The following SH3RF2 variants were observed in gnomAD, a reference collection of about 807,000 sequenced individuals.
SH3RF2 encodes E3 ubiquitin-protein ligase SH3RF2.
In SH3RF2, 43 loss-of-function variants were observed where a neutral mutation model predicts 59.0. The observed-to-expected ratio is 0.73, with a 90% CI of 0.57 to 0.94. SH3RF2 has a LOEUF of 0.94. Ranked by LOEUF, SH3RF2 falls within the 40% of genes least tolerant of loss-of-function variation. SH3RF2 has a pLI of 0.00. For synonymous variants in SH3RF2, 391 were observed against 391.5 expected, an observed-to-expected ratio of 1.00 and a Z score of 0.01; for missense variants, 930 against 940.1, an observed-to-expected ratio of 0.99 and a Z score of 0.14.
At chr5:145,949,021 G>C (rs367656068) in intron 2 of SH3RF2, among the ~76,000 whole-genome samples, 2 of 152,184 alleles carry the variant, frequency 1.3e-5, no homozygotes, top group African/African-American at 4.8e-5. Flanking sequence ...AGCCAGCCTC[G>C]TGGCTGAGCT....
chr5:146,049,566 T>G (rs1762421594), intron 7 of SH3RF2, among the ~76,000 whole-genome samples: 1 of 152,094 alleles, frequency 6.6e-6, no homozygotes, highest in African/African-American at 2.4e-5. Flanking sequence ...ATGTCAGGTT[T>G]TCTTCTGCAC....
chr5:146,053,986 G>A (rs915962925), intron 7 of SH3RF2, among the ~76,000 whole-genome samples: 3 of 152,158 alleles, frequency 2.0e-5, no homozygotes, highest in East Asian at 1.9e-4. Context: ...AGAAAAGGAC[G>A]CAGGGACCTG....
At chr5:145,985,533 C>G (rs1010886091) in intron 2 of SH3RF2, among the ~76,000 whole-genome samples, 1 of 152,150 alleles carries the variant, frequency 6.6e-6, no homozygotes, top group Non-Finnish European at 1.5e-5. Context: ...GGACCACATA[C>G]ACAAAAGTGG....
intron 7 of SH3RF2, among the ~76,000 whole-genome samples, chr5:146,055,133 G>T (rs1429221505): frequency 2.0e-5 from 3 of 152,218 alleles, no homozygotes; most frequent in Non-Finnish European, 4.4e-5. Flanking sequence ...TCTTATGGAG[G>T]CATGTGTAGG....
intron 2 of SH3RF2, among the ~76,000 whole-genome samples, chr5:145,985,516 T>A (rs1007140424): frequency 2.0e-5 from 3 of 152,154 alleles, no homozygotes; most frequent in African/African-American, 7.2e-5. Flanking sequence ...ACTGGCAATT[T>A]TGAGGAGGAC....
intron 2 of SH3RF2, among the ~76,000 whole-genome samples, chr5:145,971,881 A>G (rs1759096824): frequency 7.7e-6 from 1 of 129,898 alleles, no homozygotes; most frequent in Middle Eastern, 3.5e-3. Context: ...AATGATGATG[A>G]TGATGATGAT....
Position 145,965,621 on chromosome 5 carries a change from G to A in SH3RF2, c.378+27315G>A, listed in dbSNP as rs547813480. ...TGAGGTTTTGAAAGTGGAAAAGAAC[G>A]GAGGTAATTGGTGTTTACACTCACT... On this transcript the variant is annotated intron_variant, in intron 2 of 9. Coordinates refer to ENST00000359120, the MANE Select transcript of SH3RF2 (RefSeq NM_152550.4). Among the ~76,000 whole-genome samples, 71 of 152,244 alleles carry A rather than the reference G, an allele frequency of 4.7e-4. 1 individual carries two copies. In the South Asian group the frequency reaches 0.012, roughly 25 times the overall value.
intron 5 of SH3RF2, among the ~76,000 whole-genome samples, chr5:146,029,475 G>A (rs1761663882): frequency 6.6e-6 from 1 of 152,162 alleles, no homozygotes; most frequent in Non-Finnish European, 1.5e-5. Flanking sequence ...CATGTGCCGT[G>A]TGTTTGCCAT....
chr5:146,022,356 C>G (rs1761353729), intron 5 of SH3RF2, among the ~76,000 whole-genome samples: 1 of 152,124 alleles, frequency 6.6e-6, no homozygotes, highest in African/African-American at 2.4e-5. Flanking sequence ...TACAGGTGGG[C>G]ACCACCACGC....
intron 5 of SH3RF2, among the ~76,000 whole-genome samples, chr5:146,037,442 T>C (rs944532953): frequency 2.0e-5 from 3 of 152,160 alleles, no homozygotes; most frequent in Non-Finnish European, 4.4e-5. Flanking sequence ...ACTGGGACTC[T>C]CGGGTGCTCT....
chr5:146,041,173 A>G (rs577009316), intron 5 of SH3RF2, among the ~76,000 whole-genome samples: 6 of 152,256 alleles, frequency 3.9e-5, no homozygotes, highest in Admixed American at 2.6e-4. Context: ...CTCCATCTAT[A>G]AAAATGGGGA....
intron 5 of SH3RF2, among the ~76,000 whole-genome samples, chr5:146,023,203 T>C (rs568164982): frequency 2.0e-5 from 3 of 151,982 alleles, no homozygotes; most frequent in South Asian, 4.1e-4. Context: ...ACATTCTTTT[T>C]TTCTTTTTTC....
In SH3RF2 at chr5:146,033,451, C is replaced by CT. The variant is rs558717056; in HGVS notation, c.1060-14285dup. Among the ~76,000 whole-genome samples, 694 of 71,758 alleles carry CT rather than the reference C, an allele frequency of 9.7e-3. 190 individuals are homozygous for CT. The highest frequency in any genetic ancestry group is 0.012 in the Non-Finnish European group (504 of 41,728). 47.1% of individuals were successfully genotyped at this position (71,758 alleles called of 152,430 possible). On this transcript the variant is annotated intron_variant, in intron 5 of 9. Transcript: ENST00000359120. ...AAAATCTATGAGCACTAGCCCTTAG[C>CT]TTTTTTTTTTTTTTTTTTTTTTTTT... is the stretch of plus-strand genomic sequence containing the variant.
At chr5:145,982,684 T>C (rs1443669819) in intron 2 of SH3RF2, among the ~76,000 whole-genome samples, 4 of 152,156 alleles carry the variant, frequency 2.6e-5, no homozygotes, top group Admixed American at 2.6e-4. Context: ...GTTTCTGTCC[T>C]CACAAAGTTT....
intron 2 of SH3RF2, among the ~76,000 whole-genome samples, chr5:145,963,856 G>A (rs995297704): frequency 1.8e-4 from 24 of 135,380 alleles, no homozygotes; most frequent in African/African-American, 5.4e-4. Flanking sequence ...TTTTTGAGAT[G>A]GAGTCTCGCT....
intron 2 of SH3RF2, among the ~76,000 whole-genome samples, chr5:145,999,338 A>G (rs992767728): frequency 5.3e-5 from 8 of 152,200 alleles, no homozygotes; most frequent in African/African-American, 1.7e-4. Context: ...CATATCGGCA[A>G]TAAGGCTGAT....
chr5:146,076,150 A>G (rs530887080), intron 9 of SH3RF2, among the ~76,000 whole-genome samples: 23 of 152,240 alleles, frequency 1.5e-4, no homozygotes, highest in African/African-American at 5.5e-4. Context: ...TTACTTCCTT[A>G]TTACTTCCCT....
rs1467983659 is a variant in SH3RF2, at chr5:146,002,525, GA to G, written c.649-1531del. ...GGAAGGAAGGAAGGAAGGAAGGAAG[GA>G]AGGAAGGAAGGATAACCTATAAATG... On this transcript the variant is annotated intron_variant, in intron 3 of 9. Coordinates refer to ENST00000359120, the MANE Select transcript of SH3RF2 (RefSeq NM_152550.4). 6.2e-4 allele frequency among the ~76,000 whole-genome samples: 91 copies of G among 147,608 alleles called. 1 individual carries two copies. Among genetic ancestry groups the G allele is most frequent in the African/African-American group, 2.2e-3 (87 of 38,818 alleles).
At chr5:146,044,451 G>C (rs1762238536) in intron 5 of SH3RF2, among the ~76,000 whole-genome samples, 1 of 152,140 alleles carries the variant, frequency 6.6e-6, no homozygotes. Flanking sequence ...ATTCTCATCA[G>C]TGTGTAGTGG....
Sources: allele counts gnomAD v4.1 joint callset (sites outside exome capture counted in the v4.1 genomes callset), GRCh38; gene constraint gnomAD v4.1.1; transcripts MANE v1.5; gene names NCBI Gene and HGNC (gene_info 2026-07-23, HGNC 2026-07-21).